SLIT1: variants seen among roughly 807,000 people sequenced by gnomAD.
SLIT1 encodes the protein slit guidance ligand 1.
A neutral mutation model predicts 186.1 loss-of-function variants in SLIT1; 66 were observed. The ratio of observed to expected loss-of-function variants is 0.35; its 90% CI spans 0.29 to 0.44. The LOEUF is 0.44. Ranked by LOEUF, SLIT1 falls within the 20% of genes least tolerant of loss-of-function variation. SLIT1 has a pLI of 1.00. For synonymous variants in SLIT1, 761 were observed against 833.8 expected (o/e 0.91, Z 1.50); for missense variants, 1,638 against 2,037.4 (o/e 0.80, Z 3.77).
chr10:97,065,764 G>A (rs151318325), intron 5 of SLIT1: 13 of 454,836 alleles, frequency 2.9e-5, no homozygotes, highest in Admixed American at 2.0e-4. Flanking sequence ...CTGATAACAC[G>A]CTTCACCAGG....
chr10:97,181,948 A>G (rs1589425611), intron 1 of SLIT1, among the ~76,000 whole-genome samples: 2 of 152,244 alleles, frequency 1.3e-5, no homozygotes, highest in Non-Finnish European at 2.9e-5. Flanking sequence ...ACCAAGTCCA[A>G]CTGAAAGTCA....
intron 4 of SLIT1, among the ~76,000 whole-genome samples, chr10:97,112,048 C>T (rs1171263961): frequency 1.3e-5 from 2 of 152,188 alleles, no homozygotes; most frequent in African/African-American, 2.4e-5. Context: ...CCTGACAGCT[C>T]GGCTCCATTT....
intron 4 of SLIT1, among the ~76,000 whole-genome samples, chr10:97,071,176 G>A (rs181798550): frequency 6.6e-6 from 1 of 152,332 alleles, no homozygotes; most frequent in African/African-American, 2.4e-5. Context: ...GAGGAAAGTT[G>A]CTGGCCATAC....
intron 29 of SLIT1, 44 bp from the exon 30 acceptor site, chr10:97,013,878 T>C: frequency 1.3e-6 from 2 of 1,541,376 alleles, no homozygotes; most frequent in Non-Finnish European, 1.8e-6. Flanking sequence ...GCTGCTCTCC[T>C]GTGCTCTGCC....
At chr10:97,133,426 A>C (rs1348750955) in intron 4 of SLIT1, among the ~76,000 whole-genome samples, 1 of 152,184 alleles carries the variant, frequency 6.6e-6, no homozygotes, top group Admixed American at 6.5e-5. Flanking sequence ...CAAACACTGG[A>C]TGATTCCACT....
In SLIT1 at chr10:97,047,965, T is replaced by A. The variant is rs1445391762; in HGVS notation, c.1489+8A>T. On this transcript the variant is annotated splice_region_variant and intron_variant, in intron 15 of 36. Transcript: ENST00000266058. ...CCAGGCTGGCCTTGGATCCCCCCAC[T>A]CTCCTACCTGGAATGAAGTACTGCT... 1 of 1,613,890 alleles carries A rather than the reference T, an allele frequency of 6.2e-7. No individual in the cohort carries two copies. Among genetic ancestry groups the A allele is most frequent in the Admixed American group, 1.7e-5 (1 of 60,002 alleles).
intron 22 of SLIT1, 135 bp downstream of exon 22, chr10:97,037,563 C>G (rs970906888): frequency 4.4e-6 from 3 of 678,514 alleles, no homozygotes; most frequent in South Asian, 2.0e-5. Flanking sequence ...CACAGCTGTT[C>G]CCAGAGGGGA....
chr10:97,058,628 C>T (rs1848863066), intron 11 of SLIT1, among the ~76,000 whole-genome samples: 1 of 152,222 alleles, frequency 6.6e-6, no homozygotes, highest in Non-Finnish European at 1.5e-5. Context: ...AGATGGCATA[C>T]ACAGAAGGCA....
chr10:97,085,306 A>G (rs1849147379), intron 4 of SLIT1, among the ~76,000 whole-genome samples: 1 of 152,042 alleles, frequency 6.6e-6, no homozygotes, highest in Non-Finnish European at 1.5e-5. Flanking sequence ...CTGGACTCCT[A>G]AGGTCTTCTT....
At chr10:97,122,886 A>ATATTTCACCTGTC (rs574071485) in intron 4 of SLIT1, among the ~76,000 whole-genome samples, 1 of 152,036 alleles carries the variant, frequency 6.6e-6, no homozygotes, top group Non-Finnish European at 1.5e-5. Context: ...CAGCAGCTCT[A>ATATTTCACCTGTC]TATTTCACCT....
chr10:97,063,746 T>C (rs1848916599), intron 7 of SLIT1, 128 bp from the exon 8 acceptor site: 2 of 1,018,102 alleles, frequency 2.0e-6, no homozygotes, highest in Non-Finnish European at 2.8e-6. Context: ...CTACATTTAG[T>C]CAAGTAGACG....
At chr10:97,131,105 G>C (rs1027838204) in intron 4 of SLIT1, among the ~76,000 whole-genome samples, 2 of 152,114 alleles carry the variant, frequency 1.3e-5, no homozygotes, top group Non-Finnish European at 2.9e-5. Flanking sequence ...GCCGAGCAAG[G>C]GCATTGTGGA....
chr10:97,033,050 C>CT (rs71007311), intron 23 of SLIT1, among the ~76,000 whole-genome samples: 25,024 of 139,728 alleles, frequency 0.18, 2,314 homozygotes, highest in Middle Eastern at 0.28. Flanking sequence ...TTCTTTCTTT[C>CT]TTTTTTTTTT....
chr10:97,062,905 T>C (rs1290938152), intron 8 of SLIT1, among the ~76,000 whole-genome samples: 2 of 152,168 alleles, frequency 1.3e-5, no homozygotes, highest in African/African-American at 4.8e-5. Flanking sequence ...CAGGAGGCTA[T>C]GACAGAACCC....
chr10:97,170,653 G>C (rs140265217), intron 1 of SLIT1, among the ~76,000 whole-genome samples: 81 of 152,342 alleles, frequency 5.3e-4, no homozygotes, highest in African/African-American at 1.7e-3. Flanking sequence ...GAGGAAAAAT[G>C]CTCCAGTGGC....
At chr10:97,027,036 C>T (rs1848551916) in intron 25 of SLIT1, among the ~76,000 whole-genome samples, 1 of 152,214 alleles carries the variant, frequency 6.6e-6, no homozygotes, top group African/African-American at 2.4e-5. Context: ...CCCTCCTCCA[C>T]ACTGCGAGTG....
At chr10:97,170,641 A>G (rs1331464365) in intron 1 of SLIT1, among the ~76,000 whole-genome samples, 2 of 152,188 alleles carry the variant, frequency 1.3e-5, no homozygotes, top group African/African-American at 4.8e-5. Context: ...CTTCTCCCCA[A>G]GGAGGAAAAA....
chr10:97,030,608 GA>G, intron 25 of SLIT1, 148 bp downstream of exon 25: 1 of 656,450 alleles, frequency 1.5e-6, no homozygotes, highest in South Asian at 1.7e-5. Flanking sequence ...GGACATATAA[GA>G]GTCCCAGAAG....
intron 14 of SLIT1, among the ~76,000 whole-genome samples, chr10:97,048,383 G>A (rs557979406): frequency 5.9e-5 from 9 of 152,300 alleles, no homozygotes; most frequent in African/African-American, 2.2e-4. Flanking sequence ...CAATTGCTAA[G>A]GCTGTTTCTG....
Sources: allele counts gnomAD v4.1 joint callset (sites outside exome capture counted in the v4.1 genomes callset), GRCh38; gene constraint gnomAD v4.1.1; transcripts MANE v1.5; gene names NCBI Gene and HGNC (gene_info 2026-07-23, HGNC 2026-07-21).